The following MBNL2 variants were observed in gnomAD, a reference collection of about 807,000 sequenced individuals.
MBNL2 encodes the protein muscleblind-like protein 2.
Under a neutral mutation model 41.9 loss-of-function variants are expected in MBNL2, and 17 were observed. The observed-to-expected ratio is 0.41, with a 90% CI of 0.28 to 0.61. The LOEUF is 0.61. Among genes scored for constraint, MBNL2 ranks in the 20% least tolerant of loss-of-function variants. The probability of loss-of-function intolerance (pLI) is 0.35; values close to 1 mark genes in which losing one functional copy is unlikely to be tolerated. For missense variants in MBNL2, 336 were observed against 505.6 expected, an observed-to-expected ratio of 0.66 and a Z score of 3.22; for synonymous variants, 195 against 182.9, an observed-to-expected ratio of 1.07 and a Z score of -0.53.
chr13:97,144,161 G>T, the MBNL2 span, among the ~76,000 whole-genome samples: 2 of 151,282 alleles, frequency 1.3e-5, no homozygotes, highest in Admixed American at 1.3e-4. Flanking sequence ...AATGATTATT[G>T]ATGTGGTGCC....
chr13:97,338,806 C>G (rs570865278), intron 3 of MBNL2, among the ~76,000 whole-genome samples: 1 of 152,156 alleles, frequency 6.6e-6, no homozygotes, highest in Non-Finnish European at 1.5e-5. Context: ...TAGGAGACGC[C>G]GTGTGTCAGC....
chr13:97,199,070 A>C, the MBNL2 span, among the ~76,000 whole-genome samples: 1 of 151,988 alleles, frequency 6.6e-6, no homozygotes, highest in Admixed American at 6.6e-5. Flanking sequence ...GACCTTATCC[A>C]TATCCACCTT....
chr13:97,235,092 T>C (rs924636923), intron 1 of MBNL2, among the ~76,000 whole-genome samples: 1 of 152,168 alleles, frequency 6.6e-6, no homozygotes, highest in South Asian at 2.1e-4. Flanking sequence ...TGTTGAACCA[T>C]TTCTCTATGA....
chr13:97,343,168 C>A lies in MBNL2; in HGVS notation c.492C>A (p.Val164=), dbSNP rs1356959294. Residue 164 remains valine, a synonymous_variant, in exon 4 of 9, where the codon GTC becomes GTA. Transcript: ENST00000679496. The part of the protein sequence containing the change: ...VIVPGSPPVT[V]PGSTATQKLL... Reference sequence around the variant, plus strand: ...TTCCCGGAAGTCCACCGGTCACTGTCCCGGGCTCAACTGCAACTCAGAAAC... The same window carrying A: ...TTCCCGGAAGTCCACCGGTCACTGTACCGGGCTCAACTGCAACTCAGAAAC... 5.0e-6 allele frequency: 8 copies of A among 1,613,718 alleles called. No individual in the cohort carries two copies. Among genetic ancestry groups the A allele is most frequent in the Non-Finnish European group, 5.9e-6 (7 of 1,179,858 alleles).
chr13:97,296,006 CTG>C (rs1285303980), intron 2 of MBNL2, among the ~76,000 whole-genome samples: 1 of 152,134 alleles, frequency 6.6e-6, no homozygotes, highest in African/African-American at 2.4e-5. Context: ...AACCAAAGAA[CTG>C]TTATTTGTCA....
the MBNL2 span, among the ~76,000 whole-genome samples, chr13:97,199,632 A>C: frequency 6.6e-6 from 1 of 152,234 alleles, no homozygotes; most frequent in Non-Finnish European, 1.5e-5. Context: ...AGACCAAGAA[A>C]TGCTCATCCC....
intron 8 of MBNL2, among the ~76,000 whole-genome samples, chr13:97,374,063 A>ATTTTTTTTTTTTTTTTTTTTT (rs61185219): frequency 6.3e-5 from 4 of 63,106 alleles, no homozygotes; most frequent in Admixed American, 2.3e-4. Context: ...CCTCCTTTGC[A>ATTTTTTTTTTTTTTTTTTTTT]TTTTTTTTTT....
intron 1 of MBNL2, among the ~76,000 whole-genome samples, chr13:97,250,883 A>G (rs2046378089): frequency 6.6e-6 from 1 of 152,174 alleles, no homozygotes; most frequent in African/African-American, 2.4e-5. Context: ...TGGTATATAC[A>G]GCACAAGTAT....
chr13:97,390,216 C>A (rs183609188), intron 8 of MBNL2, among the ~76,000 whole-genome samples: 1 of 152,116 alleles, frequency 6.6e-6, no homozygotes, highest in Non-Finnish European at 1.5e-5. Context: ...AAAGAATACT[C>A]ATGTTTATTT....
chr13:97,286,436 C>A (rs1731840908), intron 2 of MBNL2, among the ~76,000 whole-genome samples: 1 of 152,200 alleles, frequency 6.6e-6, no homozygotes, highest in African/African-American at 2.4e-5. Context: ...TCATGACCAC[C>A]CCAGTCCAAA....
At position 97,366,480 on chromosome 13, in the gene MBNL2, C is replaced by T. The variant is rs2063851708; in HGVS notation, c.1048+1309C>T. On this transcript the variant is annotated intron_variant, in intron 8 of 8. Coordinates refer to ENST00000679496, the MANE Select transcript of MBNL2 (RefSeq NM_001382683.1). The surrounding 1 kb of genome is among the most constrained non-coding windows in gnomAD (Gnocchi z 4.7). ...AAAGTACCCATGATGCACAGCGCTA[C>T]GTCCGCCACTGTCTCTGCAGCAACA... 1.2e-6 allele frequency: 2 copies of T among 1,608,192 alleles called. No individual in the cohort carries two copies. Among genetic ancestry groups the T allele is most frequent in the Non-Finnish European group, 1.7e-6 (2 of 1,174,782 alleles).
At chr13:97,215,678 T>C in the MBNL2 span, among the ~76,000 whole-genome samples, 1 of 152,208 alleles carries the variant, frequency 6.6e-6, no homozygotes, top group Non-Finnish European at 1.5e-5. Context: ...ATATAACTCC[T>C]TACTTGTTAA....
the MBNL2 span, among the ~76,000 whole-genome samples, chr13:97,174,162 G>T: frequency 6.6e-6 from 1 of 152,122 alleles, no homozygotes; most frequent in African/African-American, 2.4e-5. Flanking sequence ...GGTGAAAAAT[G>T]CCATTATTAA....
chr13:97,215,363 A>G, the MBNL2 span, among the ~76,000 whole-genome samples: 1 of 152,240 alleles, frequency 6.6e-6, no homozygotes, highest in East Asian at 1.9e-4. Flanking sequence ...CTAAGGAAAT[A>G]CAGCAATATT....
intron 3 of MBNL2, among the ~76,000 whole-genome samples, chr13:97,339,693 C>T (rs1384390206): frequency 6.6e-6 from 1 of 152,030 alleles, no homozygotes; most frequent in East Asian, 1.9e-4. Context: ...GATTCTACCT[C>T]GGGAGTTTAA....
the MBNL2 span, among the ~76,000 whole-genome samples, chr13:97,164,564 A>C: frequency 6.6e-6 from 1 of 152,228 alleles, no homozygotes; most frequent in South Asian, 2.1e-4. Flanking sequence ...CAAAATGCAA[A>C]GAGAGAAGTG....
the MBNL2 span, chr13:97,172,693 G>A: frequency 6.6e-6 from 1 of 152,168 alleles, no homozygotes; most frequent in Non-Finnish European, 1.5e-5. Context: ...GGAATAGTGT[G>A]TAAATAAGAG....
intron 5 of MBNL2, among the ~76,000 whole-genome samples, chr13:97,347,316 C>T (rs2061975091): frequency 6.6e-6 from 1 of 152,126 alleles, no homozygotes; most frequent in African/African-American, 2.4e-5. Flanking sequence ...AGCTCCGTTC[C>T]CCCTCCTAGG....
At chr13:97,262,369 A>G (rs529011959) in intron 1 of MBNL2, among the ~76,000 whole-genome samples, 1 of 152,184 alleles carries the variant, frequency 6.6e-6, no homozygotes, top group Non-Finnish European at 1.5e-5. Context: ...TGGCAGTGGC[A>G]GTGGACGCTT....
Sources: gnomAD v4.1 joint callset for allele counts (sites outside exome capture counted in the v4.1 genomes callset) on GRCh38, gnomAD v4.1.1 for gene constraint, Gnocchi (gnomAD v3.1) non-coding constraint, MANE v1.5 for transcripts, NCBI Gene and HGNC (gene_info 2026-07-23, HGNC 2026-07-21) for gene names.